The following SLC2A13 variants were observed in gnomAD, a reference collection of about 807,000 sequenced individuals.
SLC2A13 encodes the protein proton myo-inositol cotransporter.
In SLC2A13, 32 loss-of-function variants were observed where a neutral mutation model predicts 64.4. The ratio of observed to expected loss-of-function variants is 0.50; its 90% CI spans 0.37 to 0.67. SLC2A13 has a LOEUF of 0.67. Among genes scored for constraint, SLC2A13 ranks in the 30% least tolerant of loss-of-function variants. SLC2A13 has a pLI of 0.00. For synonymous variants in SLC2A13, 338 were observed against 327.1 expected (o/e 1.03, Z -0.36); for missense variants, 743 against 829.2 (o/e 0.90, Z 1.28).
intron 7 of SLC2A13, among the ~76,000 whole-genome samples, chr12:39,804,265 G>C (rs1326129062): frequency 6.6e-6 from 1 of 152,094 alleles, no homozygotes; most frequent in African/African-American, 2.4e-5. Flanking sequence ...CAAATTTGAA[G>C]GCAAAAGTAG....
chr12:39,787,058 G>A (rs1400753592), intron 7 of SLC2A13, among the ~76,000 whole-genome samples: 1 of 152,084 alleles, frequency 6.6e-6, no homozygotes, highest in Non-Finnish European at 1.5e-5. Flanking sequence ...CTACCTAGAT[G>A]TTACGGTAAA....
intron 7 of SLC2A13, among the ~76,000 whole-genome samples, chr12:39,767,050 T>C (rs1940379666): frequency 6.6e-6 from 1 of 152,118 alleles, no homozygotes; most frequent in South Asian, 2.1e-4. Context: ...GAATAGTGAA[T>C]CCTTTCCAGA....
chr12:39,793,382 G>T (rs375481909), intron 7 of SLC2A13, among the ~76,000 whole-genome samples: 136 of 152,114 alleles, frequency 8.9e-4, no homozygotes, highest in African/African-American at 3.2e-3. Context: ...TATTGGTAAA[G>T]ACATCAATTC....
chr12:39,931,717 C>T lies in SLC2A13; in HGVS notation c.1034+19540G>A, dbSNP rs572015975. 6.7e-4 allele frequency among the ~76,000 whole-genome samples: 102 copies of T among 152,144 alleles called. 1 individual carries two copies. Among genetic ancestry groups the T allele is most frequent in the African/African-American group, 2.4e-3 (100 of 41,508 alleles). ...ACTGAGCTTGTAAATTCCAATTTAA[C>T]TTTTAAATTTAAGCCAACTAGTACG... is the stretch of plus-strand genomic sequence containing the variant. On this transcript the variant is annotated intron_variant, in intron 4 of 9. Transcript: ENST00000280871.
intron 6 of SLC2A13, among the ~76,000 whole-genome samples, chr12:39,848,222 A>T (rs927634670): frequency 4.6e-5 from 7 of 152,222 alleles, no homozygotes; most frequent in Non-Finnish European, 1.0e-4. Context: ...AAAAGAAACT[A>T]TCAACAGAGT....
At chr12:39,785,099 C>G (rs955699890) in intron 7 of SLC2A13, among the ~76,000 whole-genome samples, 3 of 152,176 alleles carry the variant, frequency 2.0e-5, no homozygotes, top group Non-Finnish European at 2.9e-5. Context: ...GCATAAGTAG[C>G]AAGGGGCCTA....
At chr12:39,953,251 A>G (rs952051000) in intron 3 of SLC2A13, among the ~76,000 whole-genome samples, 2 of 152,146 alleles carry the variant, frequency 1.3e-5, no homozygotes, top group African/African-American at 2.4e-5. Flanking sequence ...TAAACATCAC[A>G]TATTTCCTAG....
At chr12:39,949,345 G>A (rs190090480) in intron 4 of SLC2A13, 1 of 152,212 alleles carries the variant, frequency 6.6e-6, no homozygotes, top group African/African-American at 2.4e-5. Context: ...CTGTTTTCCA[G>A]GATTGATAAT....
chr12:40,089,209 G>A (rs1437046133), intron 1 of SLC2A13, among the ~76,000 whole-genome samples: 1 of 152,108 alleles, frequency 6.6e-6, no homozygotes, highest in Non-Finnish European at 1.5e-5. Flanking sequence ...AACTCTCTCT[G>A]TAAAAAGAAC....
At chr12:40,095,223 G>C (rs1240867270) in intron 1 of SLC2A13, among the ~76,000 whole-genome samples, 3 of 152,178 alleles carry the variant, frequency 2.0e-5, no homozygotes, top group Non-Finnish European at 2.9e-5. Flanking sequence ...AGAATAAGAA[G>C]TAAAATCTAA....
At chr12:39,948,214 A>T (rs1327971578) in intron 4 of SLC2A13, among the ~76,000 whole-genome samples, 1 of 152,204 alleles carries the variant, frequency 6.6e-6, no homozygotes, top group Non-Finnish European at 1.5e-5. Context: ...CCTCATCTAA[A>T]AGTGAAATGT....
intron 3 of SLC2A13, among the ~76,000 whole-genome samples, chr12:39,961,720 C>CA (rs1328773532): frequency 6.6e-6 from 1 of 151,686 alleles, no homozygotes. Flanking sequence ...AGGCTGGTCT[C>CA]AAACTCCTGG....
intron 1 of SLC2A13, among the ~76,000 whole-genome samples, chr12:40,085,074 C>A (rs1490695104): frequency 6.6e-6 from 1 of 152,074 alleles, no homozygotes; most frequent in African/African-American, 2.4e-5. Flanking sequence ...GAGTTCAGAG[C>A]ACTTCTCGAC....
intron 3 of SLC2A13, among the ~76,000 whole-genome samples, chr12:39,960,684 T>C (rs1238435070): frequency 3.3e-5 from 5 of 149,852 alleles, no homozygotes; most frequent in African/African-American, 9.8e-5. Context: ...CGGCCTAATA[T>C]TGGCTAGTAT....
intron 6 of SLC2A13, among the ~76,000 whole-genome samples, chr12:39,861,550 T>C (rs1444662310): frequency 6.6e-6 from 1 of 152,232 alleles, no homozygotes; most frequent in African/African-American, 2.4e-5. Context: ...TAGGAAAGGT[T>C]TGATTCCTCA....
rs550913256 is a variant in SLC2A13, at chr12:39,896,256, GTA to G, written c.1035-24297_1035-24296del. Among the ~76,000 whole-genome samples the G allele has an allele frequency of 9.1e-3, 806 of 88,858 alleles. 13 individuals carry two copies. Among genetic ancestry groups the G allele is most frequent in the African/African-American group, 0.032 (756 of 23,912 alleles). 58.3% of individuals were successfully genotyped at this position (88,858 alleles called of 152,430 possible). ...TATGTGTATATATGTATACATGTAT[GTA>G]TATGTGTGTATATATGTATACATGT... On this transcript the variant is annotated intron_variant, in intron 4 of 9. Transcript: ENST00000280871.
chr12:39,845,606 G>A (rs1943287832), intron 6 of SLC2A13, among the ~76,000 whole-genome samples: 1 of 152,090 alleles, frequency 6.6e-6, no homozygotes. Context: ...TCAGCCCCTG[G>A]AGCCCCAGAA....
chr12:39,818,715 T>C (rs555358640), intron 7 of SLC2A13, among the ~76,000 whole-genome samples: 29 of 152,192 alleles, frequency 1.9e-4, no homozygotes, highest in Non-Finnish European at 3.8e-4. Flanking sequence ...CAGAAAGTTC[T>C]TAAAGTTTGT....
intron 7 of SLC2A13, 84 bp from the exon 8 acceptor site, chr12:39,764,942 G>T: frequency 6.8e-7 from 1 of 1,462,652 alleles, no homozygotes; most frequent in Non-Finnish European, 9.3e-7. Context: ...TTATGTATTT[G>T]GAAATTCCTT....
Sources: allele counts gnomAD v4.1 joint callset (sites outside exome capture counted in the v4.1 genomes callset), GRCh38; gene constraint gnomAD v4.1.1; transcripts MANE v1.5; gene names NCBI Gene and HGNC (gene_info 2026-07-23, HGNC 2026-07-21).